The following OTUD7A variants were observed in gnomAD, a reference collection of about 807,000 sequenced individuals.
OTUD7A encodes the protein OTU domain-containing protein 7A.
A neutral mutation model predicts 65.7 loss-of-function variants in OTUD7A; 12 were observed. The ratio of observed to expected loss-of-function variants is 0.18; its 90% CI spans 0.12 to 0.30. The LOEUF is 0.30. Among genes scored for constraint, OTUD7A ranks in the 10% least tolerant of loss-of-function variants. OTUD7A has a pLI of 1.00. For synonymous variants in OTUD7A, 641 were observed against 586.3 expected, an observed-to-expected ratio of 1.09 and a Z score of -1.35; for missense variants, 1,148 against 1,304.8, an observed-to-expected ratio of 0.88 and a Z score of 1.85.
chr15:31,570,705 G>C (rs866885777), intron 3 of OTUD7A, among the ~76,000 whole-genome samples: 3 of 152,234 alleles, frequency 2.0e-5, no homozygotes, highest in Non-Finnish European at 4.4e-5. Flanking sequence ...GCTTTGGTGG[G>C]AGATAGGCTT....
Position 31,805,434 on chromosome 15 carries a change from A to G in OTUD7A, c.-100+65073T>C, listed in dbSNP as rs1206254896. ...GCCAGCCGACCTCACAGGGCCCTGT[A>G]TGCAGGAAGGGCCTGACGCGTGAAC... On this transcript the variant is annotated intron_variant, in intron 1 of 12. Coordinates refer to ENST00000307050, the MANE Select transcript of OTUD7A (RefSeq NM_001382637.1). Among the ~76,000 whole-genome samples, 3 of 152,216 alleles carry G rather than the reference A, an allele frequency of 2.0e-5. No individual in the cohort carries two copies. The South Asian group carries it at 6.2e-4, about 31-fold the overall frequency.
intron 8 of OTUD7A, 150 bp from the exon 9 acceptor site, chr15:31,503,968 T>A: frequency 1.1e-6 from 1 of 937,954 alleles, no homozygotes; most frequent in Admixed American, 2.5e-5. Context: ...GGGCCACTTC[T>A]CATGCCATCC....
At chr15:31,866,841 C>T (rs958789296) in intron 1 of OTUD7A, among the ~76,000 whole-genome samples, 1 of 152,156 alleles carries the variant, frequency 6.6e-6, no homozygotes, top group African/African-American at 2.4e-5. Flanking sequence ...ATGTTATTCC[C>T]ATTTGCCCCC....
intron 1 of OTUD7A, among the ~76,000 whole-genome samples, chr15:31,845,206 T>C (rs1194379508): frequency 6.6e-6 from 1 of 152,190 alleles, no homozygotes; most frequent in Non-Finnish European, 1.5e-5. Flanking sequence ...CCCCAGGCAC[T>C]GGGCATCCTC....
rs537265523 is a variant in OTUD7A at position 31,817,288 on chromosome 15, A to C, written c.-100+53219T>G. On this transcript the variant is annotated intron_variant, in intron 1 of 12. Coordinates refer to ENST00000307050, the MANE Select transcript of OTUD7A (RefSeq NM_001382637.1). ...CCTAGATCATTTGCCCCCCCCCATC[A>C]CTCATGGCTTATCAGTGAGATCTTG... Among the ~76,000 whole-genome samples the C allele has an allele frequency of 6.3e-5, 8 of 126,740 alleles. No homozygotes were observed. In the East Asian group the frequency reaches 1.1e-3, roughly 17 times the overall value. The allele number at this position is 126,740 out of a possible 152,430, so 83.1% of individuals were successfully genotyped here.
chr15:31,500,639 A>G (rs561084908), intron 10 of OTUD7A, among the ~76,000 whole-genome samples: 55 of 152,334 alleles, frequency 3.6e-4, no homozygotes, highest in African/African-American at 1.3e-3. Context: ...CCAGCTGTCT[A>G]CAGGAAGGAG....
At chr15:31,683,476 T>G (rs1892765749) in intron 1 of OTUD7A, among the ~76,000 whole-genome samples, 1 of 152,158 alleles carries the variant, frequency 6.6e-6, no homozygotes, top group Non-Finnish European at 1.5e-5. Flanking sequence ...TTCCAAAAAT[T>G]CCTGGGGACA....
intron 1 of OTUD7A, among the ~76,000 whole-genome samples, chr15:31,758,008 T>C (rs1894861915): frequency 6.6e-6 from 1 of 152,188 alleles, no homozygotes; most frequent in African/African-American, 2.4e-5. Context: ...TTGACATATT[T>C]TAAGGGAACT....
intron 1 of OTUD7A, among the ~76,000 whole-genome samples, chr15:31,848,713 T>C (rs1897347665): frequency 6.6e-6 from 1 of 152,196 alleles, no homozygotes; most frequent in Non-Finnish European, 1.5e-5. Flanking sequence ...TTCTGAAAAA[T>C]ATGGTATGCT....
chr15:31,599,017 T>A (rs192397182), intron 3 of OTUD7A, among the ~76,000 whole-genome samples: 2 of 152,116 alleles, frequency 1.3e-5, no homozygotes, highest in Non-Finnish European at 2.9e-5. Context: ...CAGGGACTTA[T>A]AGATAAAACT....
At chr15:31,777,156 G>C (rs978140154) in intron 1 of OTUD7A, among the ~76,000 whole-genome samples, 1 of 152,082 alleles carries the variant, frequency 6.6e-6, no homozygotes, top group Non-Finnish European at 1.5e-5. Flanking sequence ...TCTGAACAGG[G>C]CCCTGCTCCT....
At chr15:31,763,461 G>C (rs1277918377) in intron 1 of OTUD7A, among the ~76,000 whole-genome samples, 2 of 152,096 alleles carry the variant, frequency 1.3e-5, no homozygotes, top group Non-Finnish European at 2.9e-5. Flanking sequence ...CACTGGACTT[G>C]AAGAGAAATC....
intron 3 of OTUD7A, among the ~76,000 whole-genome samples, chr15:31,599,930 C>G (rs961463411): frequency 6.6e-6 from 1 of 151,884 alleles, no homozygotes; most frequent in African/African-American, 2.4e-5. Flanking sequence ...AGCAAGAAGA[C>G]AGGATTAGAG....
intron 1 of OTUD7A, among the ~76,000 whole-genome samples, chr15:31,711,448 G>A (rs1264721329): frequency 2.0e-5 from 3 of 150,892 alleles, no homozygotes; most frequent in Non-Finnish European, 4.4e-5. Flanking sequence ...CCTCTCTCTT[G>A]CCTTACCTTA....
chr15:31,495,146 C>G (rs1206203814), intron 10 of OTUD7A, among the ~76,000 whole-genome samples: 1 of 152,174 alleles, frequency 6.6e-6, no homozygotes, highest in Non-Finnish European at 1.5e-5. Flanking sequence ...GCTTTCTCTT[C>G]TCTCCAGGCC....
intron 3 of OTUD7A, among the ~76,000 whole-genome samples, chr15:31,612,670 C>T (rs1415264563): frequency 1.3e-5 from 2 of 152,120 alleles, no homozygotes; most frequent in Non-Finnish European, 2.9e-5. Context: ...GAAACACGTC[C>T]CATGCTCATG....
In OTUD7A at chr15:31,481,826, ATGG is replaced by A. The variant is rs1344340655; in HGVS notation, c.*1465_*1467del. 3 of 152,222 alleles carry A rather than the reference ATGG, an allele frequency of 2.0e-5. No homozygotes were observed. The highest frequency in any genetic ancestry group is 4.4e-5 in the Non-Finnish European group (3 of 68,026). The allele number at this position is 152,222 out of a possible 1,614,324, so 9.4% of individuals were successfully genotyped here. On this transcript the variant is annotated 3_prime_UTR_variant, in exon 13 of 13. Transcript: ENST00000307050. ...AGGAGAAGCTGGCTCCAGTGAAGAG[ATGG>A]TCGACCTCCTGCTTTTTCTGAGGAT... is the stretch of plus-strand genomic sequence containing the variant.
chr15:31,772,914 C>T (rs1895278505), intron 1 of OTUD7A, among the ~76,000 whole-genome samples: 1 of 152,086 alleles, frequency 6.6e-6, no homozygotes, highest in African/African-American at 2.4e-5. Context: ...TCAAGTAATG[C>T]TACAGGAACA....
intron 5 of OTUD7A, 35 bp from the exon 6 acceptor site, chr15:31,530,843 GA>G (rs762266396): frequency 6.3e-7 from 1 of 1,582,894 alleles, no homozygotes; most frequent in Non-Finnish European, 8.7e-7. Context: ...CAGGATCCCA[GA>G]AAAGGAAGGG....
Sources: gnomAD v4.1 joint callset for allele counts (sites outside exome capture counted in the v4.1 genomes callset) on GRCh38, gnomAD v4.1.1 for gene constraint, MANE v1.5 for transcripts, NCBI Gene and HGNC (gene_info 2026-07-23, HGNC 2026-07-21) for gene names.